Variants in AGBL4 observed in about 807,000 individuals in gnomAD.
AGBL4 encodes the protein AGBL carboxypeptidase 4.
In AGBL4, 58 loss-of-function variants were observed where a neutral mutation model predicts 66.4. The observed-to-expected ratio is 0.87, with a 90% CI of 0.71 to 1.09. The LOEUF is 1.09. AGBL4 is among the 50% of genes least tolerant of loss of function. The pLI is 0.00. For missense variants in AGBL4, 579 were observed against 631.0 expected (o/e 0.92, Z 0.88); for synonymous variants, 234 against 222.9 (o/e 1.05, Z -0.44).
intron 3 of AGBL4, among the ~76,000 whole-genome samples, chr1:49,389,599 T>C (rs1243813086): frequency 6.6e-6 from 1 of 152,154 alleles, no homozygotes; most frequent in East Asian, 1.9e-4. Flanking sequence ...TTCCTGACAC[T>C]ACTTGTTATA....
intron 4 of AGBL4, among the ~76,000 whole-genome samples, chr1:49,069,297 G>A (rs1571369216): frequency 6.6e-6 from 1 of 152,184 alleles, no homozygotes; most frequent in Non-Finnish European, 1.5e-5. Context: ...TAAGCATGAA[G>A]TCTTTGCCCA....
chr1:48,687,192 AGCGCC>A (rs1241255234), intron 6 of AGBL4, among the ~76,000 whole-genome samples: 2 of 152,286 alleles, frequency 1.3e-5, no homozygotes, highest in Non-Finnish European at 2.9e-5. Flanking sequence ...GGTGAGAGAC[AGCGCC>A]GCAGGCACAC....
intron 1 of AGBL4, among the ~76,000 whole-genome samples, chr1:49,868,555 A>G (rs1646762498): frequency 6.6e-6 from 1 of 152,234 alleles, no homozygotes; most frequent in Non-Finnish European, 1.5e-5. Flanking sequence ...GGCTAGTCAT[A>G]TGCAGAAAAT....
chr1:49,862,155 AG>A (rs1646588216), intron 1 of AGBL4, among the ~76,000 whole-genome samples: 1 of 152,202 alleles, frequency 6.6e-6, no homozygotes, highest in South Asian at 2.1e-4. Context: ...AACACAGAGA[AG>A]GAATTCAGAA....
chr1:49,273,735 G>C (rs2148391370), intron 3 of AGBL4, among the ~76,000 whole-genome samples: 1 of 152,100 alleles, frequency 6.6e-6, no homozygotes, highest in African/African-American at 2.4e-5. Flanking sequence ...GGAGTGCAGT[G>C]GTACAATCTT....
At chr1:49,238,249 T>C (rs1337471350) in intron 4 of AGBL4, among the ~76,000 whole-genome samples, 1 of 152,214 alleles carries the variant, frequency 6.6e-6, no homozygotes, top group Non-Finnish European at 1.5e-5. Context: ...ATTTCATCCA[T>C]TTTAAACATT....
downstream of AGBL4, among the ~76,000 whole-genome samples, chr1:48,529,863 C>T (rs1406423303): frequency 2.6e-5 from 4 of 152,116 alleles, 1 homozygote; most frequent in African/African-American, 4.8e-5. Flanking sequence ...CTTGCCTAAA[C>T]GCTGCTCTCT....
intron 3 of AGBL4, among the ~76,000 whole-genome samples, chr1:49,674,344 G>C (rs1225186349): frequency 2.0e-5 from 3 of 151,738 alleles, no homozygotes; most frequent in African/African-American, 7.3e-5. Flanking sequence ...CTACTTTAAA[G>C]GGCCCAGCAT....
intron 5 of AGBL4, among the ~76,000 whole-genome samples, chr1:48,950,222 G>C (rs1455538383): frequency 2.0e-5 from 3 of 152,172 alleles, no homozygotes; most frequent in Non-Finnish European, 1.5e-5. Flanking sequence ...TCAGTCTCCT[G>C]AGTAGCTGGG....
At chr1:49,925,483 C>T (rs1652672704) in intron 1 of AGBL4, among the ~76,000 whole-genome samples, 1 of 152,088 alleles carries the variant, frequency 6.6e-6, no homozygotes. Context: ...GTCCCTTCTC[C>T]TTGAGAAAAG....
intron 3 of AGBL4, among the ~76,000 whole-genome samples, chr1:49,566,525 C>G (rs1644209181): frequency 6.6e-6 from 1 of 152,200 alleles, no homozygotes; most frequent in African/African-American, 2.4e-5. Flanking sequence ...CAGTCAGGAA[C>G]CTCAGCTGCA....
chr1:49,655,400 T>C (rs1571261877), intron 3 of AGBL4, among the ~76,000 whole-genome samples: 2 of 152,214 alleles, frequency 1.3e-5, no homozygotes, highest in Admixed American at 1.3e-4. Flanking sequence ...TTGGTGAATC[T>C]GACAATTAAG....
chr1:49,172,448 T>C (rs1646755531), intron 4 of AGBL4, among the ~76,000 whole-genome samples: 2 of 152,120 alleles, frequency 1.3e-5, no homozygotes, highest in African/African-American at 2.4e-5. Flanking sequence ...TTATGCTACA[T>C]CAGAAGCTTT....
intron 3 of AGBL4, among the ~76,000 whole-genome samples, chr1:49,283,260 C>A (rs979330042): frequency 1.3e-5 from 2 of 152,180 alleles, no homozygotes; most frequent in African/African-American, 4.8e-5. Context: ...AGCAGGGGCA[C>A]ACTGACACCT....
intron 2 of AGBL4, among the ~76,000 whole-genome samples, chr1:49,700,454 C>A: frequency 6.6e-6 from 1 of 151,542 alleles, no homozygotes. Flanking sequence ...GTAAAAAATA[C>A]CAAAAGAAAT....
intron 11 of AGBL4, among the ~76,000 whole-genome samples, chr1:48,541,725 C>T (rs968766045): frequency 2.0e-5 from 3 of 152,094 alleles, no homozygotes; most frequent in East Asian, 1.9e-4. Flanking sequence ...GCCAGGATCG[C>T]ACCATTGCAT....
At chr1:49,030,241 G>A (rs930650345) in intron 5 of AGBL4, among the ~76,000 whole-genome samples, 4 of 152,036 alleles carry the variant, frequency 2.6e-5, no homozygotes, top group African/African-American at 9.7e-5. Flanking sequence ...GAACCTTCAC[G>A]AATGGGTTTA....
chr1:48,734,376 C>T (rs183203852), intron 6 of AGBL4, among the ~76,000 whole-genome samples: 2 of 152,324 alleles, frequency 1.3e-5, no homozygotes, highest in East Asian at 3.9e-4. Context: ...TATTTCTCCA[C>T]CTCCACTGCT....
chr1:49,946,745 T>C (rs1390582545), intron 1 of AGBL4, among the ~76,000 whole-genome samples: 1 of 150,714 alleles, frequency 6.6e-6, no homozygotes, highest in African/African-American at 2.4e-5. Flanking sequence ...CAAAAAAATA[T>C]AAAAGATAAA....
Sources: gnomAD v4.1 joint callset for allele counts (sites outside exome capture counted in the v4.1 genomes callset) on GRCh38, gnomAD v4.1.1 for gene constraint, MANE v1.5 for transcripts, NCBI Gene and HGNC (gene_info 2026-07-23, HGNC 2026-07-21) for gene names.